LOXHD1: variants seen among roughly 807,000 people sequenced by gnomAD.
LOXHD1 encodes the protein lipoxygenase homology PLAT domains 1.
A neutral mutation model predicts 248.2 loss-of-function variants in LOXHD1; 205 were observed. That is an observed-to-expected ratio of 0.83 (90% confidence interval 0.74 to 0.93). The LOEUF (loss-of-function observed/expected upper bound fraction) is 0.93, where lower values mean the gene tolerates loss of function less well. Among genes scored for constraint, LOXHD1 ranks in the 40% least tolerant of loss-of-function variants. LOXHD1 has a pLI of 0.00. For missense variants in LOXHD1, 2,930 were observed against 2,971.6 expected (o/e 0.99, Z 0.33); for synonymous variants, 1,113 against 1,162.8 (o/e 0.96, Z 0.87).
At chr18:46,587,922 A>G (rs2038092898) in intron 12 of LOXHD1, among the ~76,000 whole-genome samples, 2 of 152,172 alleles carry the variant, frequency 1.3e-5, no homozygotes, top group African/African-American at 2.4e-5. Context: ...GCTCTCAGAC[A>G]TGGCATTAAT....
intron 25 of LOXHD1, among the ~76,000 whole-genome samples, chr18:46,539,851 C>G (rs925946461): frequency 9.1e-4 from 139 of 152,290 alleles, no homozygotes; most frequent in African/African-American, 3.1e-3. Flanking sequence ...AAGTGGATGT[C>G]TACTCTATCC....
Position 46,579,837 on chromosome 18 carries a change from C to T in LOXHD1, c.1655-53G>A, listed in dbSNP as rs571904303. ...GCTGACAGCCCCCTGCTTCCCATCC[C>T]TAGCCCTGCTGCTCCCACTTCTAAG... On this transcript the variant is annotated intron_variant, in intron 12 of 40. Transcript: ENST00000642948. The T allele has an allele frequency of 2.0e-5, 30 of 1,517,856 alleles. No homozygotes were observed. In the African/African-American group the frequency reaches 3.3e-4, roughly 17 times the overall value. The allele number at this position is 1,517,856 out of a possible 1,614,324, so 94.0% of individuals were successfully genotyped here. A position where few individuals can be genotyped will look rare whatever the true frequency, so the allele number is the denominator to read the frequency against.
In LOXHD1 at chr18:46,544,854, G is replaced by A. The variant is rs1321182397; in HGVS notation, c.3619+463C>T. ...CTAGGCTCTGGACCTGCAGGATTTT[G>A]AGCAAATATATGATGACTACTTGAG... is the stretch of plus-strand genomic sequence containing the variant. On this transcript the variant is annotated intron_variant, in intron 23 of 40. Coordinates refer to ENST00000642948, the MANE Select transcript of LOXHD1 (RefSeq NM_001384474.1). The A allele has an allele frequency of 2.1e-5, 10 of 471,796 alleles. No individual in the cohort carries two copies. In the Admixed American group the frequency reaches 2.3e-4, roughly 11 times the overall value. 29.2% of individuals were successfully genotyped at this position (471,796 alleles called of 1,614,324 possible). A position where few individuals can be genotyped will look rare whatever the true frequency, so the allele number is the denominator to read the frequency against.
intron 11 of LOXHD1, 25 bp downstream of exon 11, chr18:46,592,473 C>CA: frequency 6.5e-7 from 1 of 1,537,976 alleles, no homozygotes; most frequent in Non-Finnish European, 8.8e-7. Context: ...AACAACCTCC[C>CA]AAACCCCAAG....
At chr18:46,566,507 C>T in intron 16 of LOXHD1, 58 bp from the exon 17 acceptor site, 1 of 1,410,014 alleles carries the variant, frequency 7.1e-7, no homozygotes. Flanking sequence ...CCTCCATGAT[C>T]CCATCCCTAC....
At chr18:46,498,652 T>C (rs2034026411) in intron 37 of LOXHD1, among the ~76,000 whole-genome samples, 1 of 152,222 alleles carries the variant, frequency 6.6e-6, no homozygotes, top group South Asian at 2.1e-4. Context: ...CTTCACATGC[T>C]CTTGTTTCAG....
intron 2 of LOXHD1, among the ~76,000 whole-genome samples, chr18:46,646,657 C>T (rs1192923162): frequency 6.6e-6 from 1 of 152,196 alleles, no homozygotes. Flanking sequence ...CTACAGGCCT[C>T]CTCTGCCCCC....
rs376689726 is a variant in LOXHD1 at position 46,525,733 on chromosome 18, T to C, written c.4531-816A>G. Reference sequence around the variant, plus strand: ...GAGGGTGAGAGGGGACAGGTGACACTGAGGGACACCTACTTTCCTTCTGAA... The same window carrying C: ...GAGGGTGAGAGGGGACAGGTGACACCGAGGGACACCTACTTTCCTTCTGAA... On this transcript the variant is annotated intron_variant, in intron 29 of 40. Transcript: ENST00000642948. Among the ~76,000 whole-genome samples, 85 of 152,206 alleles carry C rather than the reference T, an allele frequency of 5.6e-4. 1 individual carries two copies. The South Asian group carries it at 0.016, about 29-fold the overall frequency.
intron 6 of LOXHD1, among the ~76,000 whole-genome samples, chr18:46,608,308 C>T (rs796431694): frequency 1.4e-4 from 21 of 152,292 alleles, no homozygotes; most frequent in African/African-American, 5.1e-4. Context: ...ATAGATTTCA[C>T]ACCTTGCCAA....
intron 6 of LOXHD1, among the ~76,000 whole-genome samples, chr18:46,609,160 C>T (rs530342158): frequency 5.9e-5 from 9 of 152,132 alleles, no homozygotes; most frequent in Non-Finnish European, 1.0e-4. Flanking sequence ...AGATAAGATG[C>T]CTAGAGATTC....
At chr18:46,637,311 G>A (rs1476964445) in intron 4 of LOXHD1, among the ~76,000 whole-genome samples, 1 of 152,198 alleles carries the variant, frequency 6.6e-6, no homozygotes, top group Non-Finnish European at 1.5e-5. Context: ...CAAAGACTAG[G>A]TCAGGGGGTG....
chr18:46,589,535 T>A (rs995693942), intron 12 of LOXHD1, among the ~76,000 whole-genome samples: 1 of 152,250 alleles, frequency 6.6e-6, no homozygotes, highest in African/African-American at 2.4e-5. Flanking sequence ...TTAGTATGCA[T>A]ACAAATTACT....
intron 6 of LOXHD1, among the ~76,000 whole-genome samples, chr18:46,608,767 A>G (rs1280192750): frequency 6.6e-6 from 1 of 152,166 alleles, no homozygotes; most frequent in African/African-American, 2.4e-5. Flanking sequence ...TTCCTTTCCA[A>G]AGGAATTTGG....
intron 18 of LOXHD1, among the ~76,000 whole-genome samples, chr18:46,560,970 G>T (rs1464616179): frequency 6.6e-6 from 1 of 152,028 alleles, no homozygotes; most frequent in Non-Finnish European, 1.5e-5. Context: ...ATTCATTCAG[G>T]TTCCTGTGTT....
intron 40 of LOXHD1, among the ~76,000 whole-genome samples, chr18:46,483,207 C>T (rs530513410): frequency 7.2e-5 from 11 of 152,236 alleles, no homozygotes; most frequent in African/African-American, 2.2e-4. Context: ...TCACTATGAC[C>T]GTGTAAACAG....
intron 18 of LOXHD1, among the ~76,000 whole-genome samples, chr18:46,560,906 AG>A (rs1279694804): frequency 6.6e-6 from 1 of 151,960 alleles, no homozygotes; most frequent in Non-Finnish European, 1.5e-5. Context: ...TGGCTCATAC[AG>A]TTTCCTTACT....
chr18:46,507,311 T>C (rs2034633706), intron 36 of LOXHD1, among the ~76,000 whole-genome samples: 2 of 152,154 alleles, frequency 1.3e-5, no homozygotes, highest in South Asian at 4.2e-4. Flanking sequence ...TACTCCCCAG[T>C]AATGTTCTCC....
At chr18:46,558,575 C>G (rs765516179) in intron 20 of LOXHD1, among the ~76,000 whole-genome samples, 10 of 152,174 alleles carry the variant, frequency 6.6e-5, no homozygotes, top group South Asian at 2.1e-4. Flanking sequence ...AAGCAGGGGG[C>G]CCCTGAAATA....
At chr18:46,478,523 C>G (rs749032910) in intron 40 of LOXHD1, among the ~76,000 whole-genome samples, 13 of 152,152 alleles carry the variant, frequency 8.5e-5, no homozygotes, top group Non-Finnish European at 1.3e-4. Flanking sequence ...TATGAAGCAG[C>G]CATGTGATCC....
Sources: allele counts gnomAD v4.1 joint callset (sites outside exome capture counted in the v4.1 genomes callset), GRCh38; gene constraint gnomAD v4.1.1; transcripts MANE v1.5; gene names NCBI Gene and HGNC (gene_info 2026-07-23, HGNC 2026-07-21).